SLC12A9: variants seen among roughly 807,000 people sequenced by gnomAD.
SLC12A9 encodes CCC-interacting protein 1.
SLC12A9 carries 55 observed loss-of-function variants against 66.0 expected under a neutral mutation model. The ratio of observed to expected loss-of-function variants is 0.83; its 90% CI spans 0.67 to 1.04. The LOEUF is 1.04. Ranked by LOEUF, SLC12A9 falls within the 50% of genes least tolerant of loss-of-function variation. SLC12A9 has a pLI of 0.00. For synonymous variants in SLC12A9, 577 were observed against 569.0 expected (o/e 1.01, Z -0.20); for missense variants, 1,061 against 1,241.9 (o/e 0.85, Z 2.19).
rs1469900471 is a variant in SLC12A9 at position 100,866,511 on chromosome 7, C to G, written c.2651C>G (p.Pro884Arg). 4.5e-6 allele frequency: 7 copies of G among 1,569,144 alleles called. No individual in the cohort carries two copies. Among genetic ancestry groups the G allele is most frequent in the Non-Finnish European group, 6.0e-6 (7 of 1,157,882 alleles). The change falls in exon 14 of 14, where the codon CCC becomes CGC. Residue 884 changes from proline to arginine, a missense_variant. By Grantham distance (103) the Pro-to-Arg change is moderately radical. Transcript: ENST00000354161. This position sits in a 1 kb window ranked among gnomAD's most constrained non-coding sequence, Gnocchi z 7.3. ...CCGCCAGCCGATCCCGCCCGATACC[C>G]CCGCTACCTGGCGCTACTGGAGACT... ...PRPPADPARY[P>R]RYLALLETLT...
intron 1 of SLC12A9, among the ~76,000 whole-genome samples, chr7:100,831,486 CT>C (rs979963540): frequency 3.3e-5 from 5 of 149,558 alleles, no homozygotes; most frequent in African/African-American, 1.2e-4. Context: ...GCACGTGGCT[CT>C]TTTTTTTAGA....
intron 1 of SLC12A9, among the ~76,000 whole-genome samples, chr7:100,835,723 A>C (rs1434169840): frequency 6.6e-6 from 1 of 152,190 alleles, no homozygotes; most frequent in Non-Finnish European, 1.5e-5. Flanking sequence ...CATTTCATGC[A>C]GACTTTCCCA....
rs1195990691 is a variant in SLC12A9 at position 100,861,635 on chromosome 7, C to T, written c.1536+51C>T. ...GGAAATGGGAGGTGGTCAAAGAACC[C>T]CCTCTCTCTTTGGCTGGAGTTGGTG... On this transcript the variant is annotated intron_variant, in intron 11 of 13. Coordinates refer to ENST00000354161, the MANE Select transcript of SLC12A9 (RefSeq NM_020246.4). The surrounding 1 kb of genome is among the most constrained non-coding windows in gnomAD (Gnocchi z 5.3). 5.6e-6 allele frequency: 9 copies of T among 1,604,560 alleles called. No individual in the cohort carries two copies. The highest frequency in any genetic ancestry group is 7.7e-6 in the Non-Finnish European group (9 of 1,173,676).
intron 13 of SLC12A9, among the ~76,000 whole-genome samples, chr7:100,863,586 G>T (rs1246666743): frequency 6.6e-6 from 1 of 152,184 alleles, no homozygotes; most frequent in African/African-American, 2.4e-5. Flanking sequence ...GAAAGAGGTT[G>T]GGATGTAGGA....
At chr7:100,827,494 G>C (rs1813444527) in intron 1 of SLC12A9, 1 of 151,482 alleles carries the variant, frequency 6.6e-6, no homozygotes, top group Non-Finnish European at 1.5e-5. Flanking sequence ...GGCGGGCCGG[G>C]CCGGGCAGGG....
chr7:100,865,337 A>C (rs1485079611), intron 13 of SLC12A9: 1 of 1,535,996 alleles, frequency 6.5e-7, no homozygotes, highest in Non-Finnish European at 8.7e-7. Context: ...TTGGCTGATC[A>C]GGGTGTCTGG....
Position 100,861,982 on chromosome 7 carries a change from TG to T in SLC12A9, c.1711+73del. The T allele has an allele frequency of 7.0e-7, 1 of 1,421,240 alleles. No individual in the cohort carries two copies. Among genetic ancestry groups the T allele is most frequent in the Non-Finnish European group, 9.4e-7 (1 of 1,067,914 alleles). The allele number at this position is 1,421,240 out of a possible 1,614,324, so 88.0% of individuals were successfully genotyped here. Reference sequence around the variant, plus strand: ...CCCTACCTTTTTTTTTTTTTTGAGATGGAGCTTCGTTCTGTTGCCCAGGCTG... The same window carrying T: ...CCCTACCTTTTTTTTTTTTTTGAGATGAGCTTCGTTCTGTTGCCCAGGCTG... On this transcript the variant is annotated intron_variant, in intron 12 of 13. Transcript: ENST00000354161. The surrounding 1 kb of genome is among the most constrained non-coding windows in gnomAD (Gnocchi z 5.3).
chr7:100,848,441 T>C (rs1813966259), upstream of SLC12A9, among the ~76,000 whole-genome samples: 1 of 151,708 alleles, frequency 6.6e-6, no homozygotes, highest in Admixed American at 6.6e-5. Flanking sequence ...GAGGTTGCTG[T>C]GAGCTATGAT....
At chr7:100,832,563 AAAT>A (rs1300014528) in intron 1 of SLC12A9, among the ~76,000 whole-genome samples, 8 of 152,170 alleles carry the variant, frequency 5.3e-5, no homozygotes, top group Non-Finnish European at 2.9e-5. Context: ...AAAGAATAGA[AAAT>A]AATATTACAA....
In SLC12A9 at chr7:100,861,190, T is replaced by A; in HGVS notation, c.1271T>A (p.Phe424Tyr). The A allele has an allele frequency of 6.2e-7, 1 of 1,614,008 alleles. No individual in the cohort carries two copies. The highest frequency in any genetic ancestry group is 8.5e-7 in the Non-Finnish European group (1 of 1,180,012). ...LNTLAAVVTV[F>Y]YLVAYAAVDL... is the part of the protein sequence containing the mutation. ...ACACTGGCTGCTGTGGTCACTGTCTTCTACCTGGTGGCCTATGCTGCCGTG... is the reference window on the plus strand; with the variant it reads ...ACACTGGCTGCTGTGGTCACTGTCTACTACCTGGTGGCCTATGCTGCCGTG... Residue 424 changes from phenylalanine to tyrosine, a missense_variant, in exon 10 of 14, where the codon TTC becomes TAC. Transcript: ENST00000354161. The surrounding 1 kb of genome is among the most constrained non-coding windows in gnomAD (Gnocchi z 5.3).
Position 100,859,074 on chromosome 7 carries a change from C to T in SLC12A9, c.890C>T (p.Ala297Val), listed in dbSNP as rs1343233088. 7 of 1,613,624 alleles carry T rather than the reference C, an allele frequency of 4.3e-6. No homozygotes were observed. The highest frequency in any genetic ancestry group is 1.1e-5 in the South Asian group (1 of 91,090). Reference sequence around the variant, plus strand: ...GGGGAGCTGAAGGACCCCAGCCGGGCGATCCCTCTGGGCACGATCGTCGCC... The same window carrying T: ...GGGGAGCTGAAGGACCCCAGCCGGGTGATCCCTCTGGGCACGATCGTCGCC... ...MSGELKDPSR[A>V]IPLGTIVAVA... Residue 297 changes from alanine to valine, a missense_variant, in exon 7 of 14, where the codon GCG (alanine) becomes GTG (valine). Physicochemically the swap from Ala to Val is moderately conservative, Grantham distance 64 (BLOSUM62 0). Transcript: ENST00000354161.
chr7:100,852,305 G>GT (rs1814116998), upstream of SLC12A9, among the ~76,000 whole-genome samples: 2 of 152,186 alleles, frequency 1.3e-5, no homozygotes, highest in Non-Finnish European at 2.9e-5. Flanking sequence ...AGGTTCTAGG[G>GT]TTTTGAGAGG....
Position 100,865,871 on chromosome 7 carries a change from G to C in SLC12A9, c.2011G>C (p.Ala671Pro), listed in dbSNP as rs781712398. ...ALSTLFPPPR[A>P]PGSPRALNPQ... ...GAGCACCCTGTTCCCTCCTCCCCGG[G>C]CTCCTGGGAGCCCCCGGGCCCTCAA... The change falls in exon 14 of 14, where the codon GCT (alanine) becomes CCT (proline). Residue 671 changes from alanine to proline, a missense_variant. By Grantham distance (27) the Ala-to-Pro change is conservative (BLOSUM62 -1). Coordinates refer to ENST00000354161, the MANE Select transcript of SLC12A9 (RefSeq NM_020246.4). 5 of 1,613,660 alleles carry C rather than the reference G, an allele frequency of 3.1e-6. No individual in the cohort carries two copies. Among genetic ancestry groups the C allele is most frequent in the Non-Finnish European group, 4.2e-6 (5 of 1,179,994 alleles).
intron 1 of SLC12A9, among the ~76,000 whole-genome samples, chr7:100,828,793 T>C (rs1299503989): frequency 7.9e-5 from 12 of 151,848 alleles, no homozygotes; most frequent in Admixed American, 7.9e-4. Context: ...CACTGCCAAC[T>C]CCCCTCACCC....
intron 1 of SLC12A9, among the ~76,000 whole-genome samples, chr7:100,839,587 T>A (rs1813738526): frequency 6.6e-6 from 1 of 152,192 alleles, no homozygotes; most frequent in African/African-American, 2.4e-5. Context: ...GCGACGCGGA[T>A]CCTGAGAGTG....
At chr7:100,833,422 T>C (rs919177776) in intron 1 of SLC12A9, among the ~76,000 whole-genome samples, 2 of 151,800 alleles carry the variant, frequency 1.3e-5, no homozygotes, top group African/African-American at 2.4e-5. Flanking sequence ...TGAGCCAAGA[T>C]TGTACCACTG....
At chr7:100,846,499 G>A (rs1028075382) in intron 1 of SLC12A9, among the ~76,000 whole-genome samples, 4 of 152,082 alleles carry the variant, frequency 2.6e-5, no homozygotes, top group Admixed American at 6.5e-5. Context: ...CCCAGGAGGC[G>A]GAGCTGGCAG....
chr7:100,853,718 C>A (rs111675127), intron 1 of SLC12A9, among the ~76,000 whole-genome samples: 6 of 150,454 alleles, frequency 4.0e-5, no homozygotes, highest in Non-Finnish European at 8.9e-5. Flanking sequence ...TGCACCTTCA[C>A]GCTTGGCTAA....
Position 100,861,471 on chromosome 7 carries a change from C to T in SLC12A9, c.1423C>T (p.Pro475Ser), listed in dbSNP as rs763724101. ...CCTGCTCATGATGTTCCTCATCAGT[C>T]CTGGCGCGGCTGGTGGCTCCCTGCT... ...SCLLMMFLIS[P>S]GAAGGSLLLM... Residue 475 changes from proline to serine, a missense_variant, in exon 11 of 14, where the codon CCT (proline) becomes TCT (serine). Pro to Ser is a moderately conservative substitution (Grantham distance 74, BLOSUM62 -1). Transcript: ENST00000354161. This position sits in a 1 kb window ranked among gnomAD's most constrained non-coding sequence, Gnocchi z 5.3. The T allele has an allele frequency of 1.7e-5, 27 of 1,613,800 alleles. No homozygotes were observed. The highest frequency in any genetic ancestry group is 2.2e-5 in the Non-Finnish European group (26 of 1,180,024).
Sources: allele counts gnomAD v4.1 joint callset (sites outside exome capture counted in the v4.1 genomes callset), GRCh38; gene constraint gnomAD v4.1.1; non-coding constraint Gnocchi (gnomAD v3.1); transcripts MANE v1.5; gene names NCBI Gene and HGNC (gene_info 2026-07-23, HGNC 2026-07-21).